Variants in LRP1B observed in about 807,000 individuals in gnomAD.
LRP1B encodes the protein low-density lipoprotein receptor-related protein 1B.
Under a neutral mutation model 556.6 loss-of-function variants are expected in LRP1B, and 217 were observed. That is an observed-to-expected ratio of 0.39 (90% CI 0.35 to 0.44). The LOEUF is 0.44. Ranked by LOEUF, LRP1B falls within the 20% of genes least tolerant of loss-of-function variation. The probability of loss-of-function intolerance (pLI) is 1.00; values close to 1 mark genes in which losing one functional copy is unlikely to be tolerated. For missense variants in LRP1B, 5,053 were observed against 5,620.8 expected (o/e 0.90, Z 3.23); for synonymous variants, 2,047 against 1,865.8 (o/e 1.10, Z -2.50).
intron 7 of LRP1B, among the ~76,000 whole-genome samples, chr2:141,150,588 C>A (rs1314574936): frequency 1.3e-5 from 2 of 152,126 alleles, no homozygotes; most frequent in South Asian, 2.1e-4. Context: ...AGTTACACAG[C>A]TTGAATCACA....
chr2:140,867,986 A>G (rs1693004231), intron 26 of LRP1B, 113 bp downstream of exon 26: 1 of 1,295,064 alleles, frequency 7.7e-7, no homozygotes, highest in African/African-American at 1.5e-5. Flanking sequence ...AAAAAAATAC[A>G]CCTCCAATTT....
At chr2:141,308,274 C>A (rs80327073) in intron 3 of LRP1B, among the ~76,000 whole-genome samples, 2,342 of 152,210 alleles carry the variant, frequency 0.015, 55 homozygotes, top group African/African-American at 0.052. Context: ...TAAACAACAA[C>A]AACAAAACCT....
intron 20 of LRP1B, among the ~76,000 whole-genome samples, chr2:140,930,900 C>A (rs1695029546): frequency 6.6e-6 from 1 of 152,116 alleles, no homozygotes; most frequent in Non-Finnish European, 1.5e-5. Flanking sequence ...TCTGGCAGCA[C>A]ATCCATAGCC....
At chr2:142,053,564 C>A (rs1704549074) in intron 1 of LRP1B, among the ~76,000 whole-genome samples, 1 of 151,992 alleles carries the variant, frequency 6.6e-6, no homozygotes, top group Non-Finnish European at 1.5e-5. Flanking sequence ...GTAAGCACAA[C>A]ATTTACTTCA....
intron 4 of LRP1B, among the ~76,000 whole-genome samples, chr2:141,250,401 T>C (rs1297683042): frequency 1.3e-5 from 2 of 152,104 alleles, no homozygotes; most frequent in African/African-American, 4.8e-5. Context: ...AAATAACTCT[T>C]GAACAAACAG....
At chr2:141,030,467 GCT>G (rs1224239641) in intron 11 of LRP1B, among the ~76,000 whole-genome samples, 1 of 151,956 alleles carries the variant, frequency 6.6e-6, no homozygotes, top group Non-Finnish European at 1.5e-5. Flanking sequence ...TAACTTAATA[GCT>G]AAAATATCAA....
chr2:142,054,939 C>A (rs1278418909), intron 1 of LRP1B, among the ~76,000 whole-genome samples: 1 of 152,056 alleles, frequency 6.6e-6, no homozygotes, highest in Admixed American at 6.6e-5. Context: ...TGTTTCACAT[C>A]AGTGAATTTT....
intron 7 of LRP1B, among the ~76,000 whole-genome samples, chr2:141,176,501 T>C (rs1168504211): frequency 6.6e-6 from 1 of 152,020 alleles, no homozygotes; most frequent in Non-Finnish European, 1.5e-5. Context: ...ATGATGACCT[T>C]CCCCTGTGCC....
rs540132408 is a variant in LRP1B, at chr2:140,931,455, A to C, written c.3137-8308T>G. On this transcript the variant is annotated intron_variant, in intron 20 of 90. Coordinates refer to ENST00000389484, the MANE Select transcript of LRP1B (RefSeq NM_018557.3). ...AACCATCAAAATTCGTCATGAGTAC[A>C]TAGACTTTAGGACTTAATGATAAGT... Among the ~76,000 whole-genome samples the C allele has an allele frequency of 1.2e-4, 18 of 152,202 alleles. No homozygotes were observed. The South Asian group carries it at 3.5e-3, about 30-fold the overall frequency.
chr2:141,132,317 G>A (rs761037728), intron 7 of LRP1B, among the ~76,000 whole-genome samples: 20 of 151,904 alleles, frequency 1.3e-4, no homozygotes, highest in Middle Eastern at 3.2e-3. Context: ...TCACAAGACT[G>A]ACTTGGTTCT....
chr2:141,354,150 A>G (rs1278296207), intron 3 of LRP1B, among the ~76,000 whole-genome samples: 4 of 151,972 alleles, frequency 2.6e-5, no homozygotes, highest in Non-Finnish European at 5.9e-5. Context: ...CTGTACACCA[A>G]ACCCCCACGA....
At chr2:142,014,837 CA>C (rs1407074179) in intron 1 of LRP1B, among the ~76,000 whole-genome samples, 1 of 152,018 alleles carries the variant, frequency 6.6e-6, no homozygotes, top group African/African-American at 2.4e-5. Context: ...CAGCAGTCCC[CA>C]AAACCTATTC....
At chr2:141,295,830 T>G (rs1686164757) in intron 3 of LRP1B, among the ~76,000 whole-genome samples, 1 of 149,928 alleles carries the variant, frequency 6.7e-6, no homozygotes, top group East Asian at 2.0e-4. Context: ...TTGCCAAGCT[T>G]AATTTTCTGT....
At chr2:141,346,338 G>A (rs943417722) in intron 3 of LRP1B, among the ~76,000 whole-genome samples, 1 of 152,178 alleles carries the variant, frequency 6.6e-6, no homozygotes, top group African/African-American at 2.4e-5. Flanking sequence ...ATTATAGGGA[G>A]ATCTTTACAA....
chr2:140,440,180 G>A (rs1454877169), intron 66 of LRP1B, among the ~76,000 whole-genome samples: 1 of 152,114 alleles, frequency 6.6e-6, no homozygotes, highest in Non-Finnish European at 1.5e-5. Flanking sequence ...TGAACTCCAA[G>A]AGCATAAGAG....
chr2:141,088,289 C>T (rs1700094891), intron 7 of LRP1B, among the ~76,000 whole-genome samples: 1 of 152,068 alleles, frequency 6.6e-6, no homozygotes, highest in Non-Finnish European at 1.5e-5. Flanking sequence ...GAAGAGCTTT[C>T]CCTTGTGATT....
At chr2:140,343,237 TAGTATTTTGA>T in intron 77 of LRP1B, among the ~76,000 whole-genome samples, 1 of 151,662 alleles carries the variant, frequency 6.6e-6, no homozygotes, top group Non-Finnish European at 1.5e-5. Flanking sequence ...AAAAGTTTAT[TAGTATTTTGA>T]TGCCGGTTTT....
intron 27 of LRP1B, 100 bp from the exon 28 acceptor site, chr2:140,851,883 G>C (rs1265447632): frequency 9.2e-7 from 1 of 1,087,642 alleles, no homozygotes; most frequent in Non-Finnish European, 1.3e-6. Flanking sequence ...TCAAAGTAAA[G>C]TTTCCTACAT....
At position 141,058,982 on chromosome 2, in the gene LRP1B, C is replaced by T. The variant is rs145931578; in HGVS notation, c.1309G>A (p.Val437Ile). 6.4e-4 allele frequency: 1,015 copies of T among 1,595,386 alleles called. 3 individuals are homozygous for T. In the African/African-American group the frequency reaches 0.012, roughly 19 times the overall value. ...GTCCCATTAAATCGGTTTATCCTTA[C>T]GATATTGTAGTTATCAGAATTGGTT... ...YATNSDNYNIVRINRFNGTDI... is the reference protein window; with the variant it reads ...YATNSDNYNIIRINRFNGTDI... Residue 437 changes from valine (V) to isoleucine (I), a missense_variant, in exon 9 of 91, where the codon GTA becomes ATA. Physicochemically the swap from Val to Ile is conservative, Grantham distance 29 (BLOSUM62 3). Transcript: ENST00000389484.
Sources: allele counts gnomAD v4.1 joint callset (sites outside exome capture counted in the v4.1 genomes callset), GRCh38; gene constraint gnomAD v4.1.1; transcripts MANE v1.5; gene names NCBI Gene and HGNC (gene_info 2026-07-23, HGNC 2026-07-21).